Variants in GLI2 observed in about 807,000 individuals in gnomAD.
GLI2 encodes the protein GLI family zinc finger 2.
A neutral mutation model predicts 78.9 loss-of-function variants in GLI2; 22 were observed. The observed-to-expected ratio is 0.28, with a 90% CI of 0.20 to 0.40. GLI2 has a LOEUF of 0.40. GLI2 is among the 10% of genes least tolerant of loss of function. The probability of loss-of-function intolerance (pLI) is 1.00; values close to 1 mark genes in which losing one functional copy is unlikely to be tolerated. For missense variants in GLI2, 2,097 were observed against 2,213.2 expected (o/e 0.95, Z 1.05); for synonymous variants, 974 against 963.7 (o/e 1.01, Z -0.20).
chr2:120,753,915 C>CAAA (rs1164921224), intron 1 of GLI2, among the ~76,000 whole-genome samples: 817 of 64,670 alleles, frequency 0.013, 9 homozygotes, highest in African/African-American at 0.038. Flanking sequence ...GACTCCATCT[C>CAAA]AAAAAAAAAA....
chr2:120,929,734 G>C (rs1240588739), intron 3 of GLI2, among the ~76,000 whole-genome samples: 2 of 152,170 alleles, frequency 1.3e-5, no homozygotes, highest in African/African-American at 4.8e-5. Flanking sequence ...TGCATACCTG[G>C]TTCTCACTTG....
At chr2:120,852,228 G>T (rs1302688043) in intron 2 of GLI2, among the ~76,000 whole-genome samples, 1 of 152,192 alleles carries the variant, frequency 6.6e-6, no homozygotes, top group Non-Finnish European at 1.5e-5. Flanking sequence ...AGGAGGACAG[G>T]TTGGAGCACA....
At chr2:120,784,331 G>A (rs1052622793) in intron 1 of GLI2, among the ~76,000 whole-genome samples, 4 of 152,242 alleles carry the variant, frequency 2.6e-5, no homozygotes, top group Admixed American at 6.5e-5. Flanking sequence ...GCTGGGACAC[G>A]TGTGCTGGGT....
At chr2:120,955,507 C>T in intron 5 of GLI2, 77 bp downstream of exon 5, 1 of 1,004,284 alleles carries the variant, frequency 1.0e-6, no homozygotes, top group Non-Finnish European at 1.4e-6. Flanking sequence ...CTCGCTGTTT[C>T]TTTTGGGGAC....
At chr2:120,982,239 G>T (rs1283330595) in intron 10 of GLI2, among the ~76,000 whole-genome samples, 1 of 152,194 alleles carries the variant, frequency 6.6e-6, no homozygotes, top group Non-Finnish European at 1.5e-5. Flanking sequence ...GAAGATGAGG[G>T]TGGCCGACTC....
chr2:120,967,429 G>C (rs1211204131), intron 5 of GLI2, among the ~76,000 whole-genome samples: 1 of 152,214 alleles, frequency 6.6e-6, no homozygotes, highest in Non-Finnish European at 1.5e-5. Context: ...CAGCAGTGTT[G>C]TCAGACCATT....
intron 2 of GLI2, among the ~76,000 whole-genome samples, chr2:120,837,731 CAG>C (rs1278122622): frequency 3.9e-5 from 6 of 152,206 alleles, no homozygotes; most frequent in African/African-American, 1.4e-4. Flanking sequence ...ATAATCGTCT[CAG>C]TAGCAATTAT....
At chr2:120,779,969 A>T (rs553741363) in intron 1 of GLI2, among the ~76,000 whole-genome samples, 4 of 152,180 alleles carry the variant, frequency 2.6e-5, no homozygotes, top group African/African-American at 9.6e-5. Context: ...GTTTAGGCAA[A>T]TGGGGAAAGA....
At position 120,988,392 on chromosome 2, in the gene GLI2, C is replaced by T. The variant is rs1449592421; in HGVS notation, c.2427C>T (p.Ile809=). The T allele has an allele frequency of 1.9e-6, 3 of 1,572,132 alleles. No homozygotes were observed. The highest frequency in any genetic ancestry group is 2.6e-6 in the Non-Finnish European group (3 of 1,169,200). The change falls in exon 14 of 14, where the codon ATC becomes ATT. Residue 809 remains isoleucine, a synonymous_variant. Transcript: ENST00000361492. Reference sequence around the variant, plus strand: ...CCGTGAGCCGCCGCTCCTCCGGCATCTCCCCCTACTTCTCCAGCCGCCGCT... The same window carrying T: ...CCGTGAGCCGCCGCTCCTCCGGCATTTCCCCCTACTTCTCCAGCCGCCGCT... ...AYTVSRRSSG[I]SPYFSSRRSS... is the part of the protein sequence containing the mutation.
chr2:120,925,881 G>T (rs575210705), intron 2 of GLI2, among the ~76,000 whole-genome samples: 1 of 151,632 alleles, frequency 6.6e-6, no homozygotes, highest in African/African-American at 2.4e-5. Flanking sequence ...GACCATCCTG[G>T]CTAACACGGT....
intron 2 of GLI2, among the ~76,000 whole-genome samples, chr2:120,806,919 G>T (rs1351884193): frequency 5.9e-5 from 9 of 152,234 alleles, no homozygotes. Context: ...CCCCCATGGA[G>T]AAACCAGACA....
intron 2 of GLI2, among the ~76,000 whole-genome samples, chr2:120,857,368 CTCA>C: frequency 1.5e-5 from 2 of 137,350 alleles, no homozygotes; most frequent in Admixed American, 7.3e-5. Flanking sequence ...TATCTGCCCA[CTCA>C]CCTACCTACC....
At position 120,988,688 on chromosome 2, in the gene GLI2, G is replaced by C; in HGVS notation, c.2723G>C (p.Arg908Pro). Residue 908 changes from arginine (R) to proline (P), a missense_variant, in exon 14 of 14, where the codon CGC (arginine) becomes CCC (proline). By Grantham distance (103) the Arg-to-Pro change is moderately radical. Around this residue, in one of 5 missense-constraint regions of GLI2, gnomAD observed 1,290 missense variants for 1,261.7 expected, o/e 1.02. Coordinates refer to ENST00000361492, the MANE Select transcript of GLI2 (RefSeq NM_001374353.1). ...TRLALLDAPERTLPAGCPRPL... is the reference protein window; with the variant it reads ...TRLALLDAPEPTLPAGCPRPL... ...CTGGCGCTGCTGGACGCGCCCGAGC[G>C]CACGCTGCCCGCCGGCTGCCCACGC... The C allele has an allele frequency of 7.7e-7, 1 of 1,290,996 alleles. No individual in the cohort carries two copies. 80.0% of individuals were successfully genotyped at this position (1,290,996 alleles called of 1,614,324 possible).
At chr2:120,959,156 G>C (rs1681419914) in intron 5 of GLI2, among the ~76,000 whole-genome samples, 1 of 152,144 alleles carries the variant, frequency 6.6e-6, no homozygotes, top group Non-Finnish European at 1.5e-5. Flanking sequence ...GAGTGCAGAG[G>C]TGAGCTCAGC....
intron 3 of GLI2, among the ~76,000 whole-genome samples, chr2:120,928,613 C>G (rs1469620219): frequency 6.6e-6 from 1 of 152,242 alleles, no homozygotes; most frequent in African/African-American, 2.4e-5. Context: ...TCTACCATCT[C>G]CCATCCCAGT....
intron 2 of GLI2, among the ~76,000 whole-genome samples, chr2:120,923,658 C>A (rs1679514321): frequency 6.6e-6 from 1 of 152,104 alleles, no homozygotes; most frequent in Admixed American, 6.5e-5. Context: ...CATACACATA[C>A]AACACACATG....
At chr2:120,908,271 A>C (rs1450794717) in intron 2 of GLI2, among the ~76,000 whole-genome samples, 1 of 152,170 alleles carries the variant, frequency 6.6e-6, no homozygotes, top group East Asian at 1.9e-4. Context: ...CCATTGGGGA[A>C]GGTGCCCAAG....
chr2:120,739,290 G>T, intron 1 of GLI2, among the ~76,000 whole-genome samples: 1 of 152,136 alleles, frequency 6.6e-6, no homozygotes, highest in East Asian at 1.9e-4. Context: ...CTGCCCCGGG[G>T]GTACTCCACG....
At chr2:120,958,160 A>G (rs1400372660) in intron 5 of GLI2, among the ~76,000 whole-genome samples, 1 of 152,126 alleles carries the variant, frequency 6.6e-6, no homozygotes, top group Non-Finnish European at 1.5e-5. Context: ...ACAGGACTGA[A>G]GGGGTGTGGA....
Sources: allele counts gnomAD v4.1 joint callset (sites outside exome capture counted in the v4.1 genomes callset), GRCh38; gene constraint gnomAD v4.1.1; regional missense constraint gnomAD v4.1.1; transcripts MANE v1.5; gene names NCBI Gene and HGNC (gene_info 2026-07-23, HGNC 2026-07-21).